TGFBRAP1: variants seen among roughly 807,000 people sequenced by gnomAD.
TGFBRAP1 encodes the protein transforming growth factor-beta receptor-associated protein 1.
In TGFBRAP1, 20 loss-of-function variants were observed where a neutral mutation model predicts 83.2. The ratio of observed to expected loss-of-function variants is 0.24; its 90% CI spans 0.17 to 0.35. The LOEUF (loss-of-function observed/expected upper bound fraction) is 0.35, where lower values mean the gene tolerates loss of function less well. Among genes scored for constraint, TGFBRAP1 ranks in the 10% least tolerant of loss-of-function variants. The pLI, the probability that TGFBRAP1 is intolerant of heterozygous loss-of-function variation, is 1.00. For missense variants in TGFBRAP1, 950 were observed against 1,099.4 expected (o/e 0.86, Z 1.92); for synonymous variants, 415 against 459.8 (o/e 0.90, Z 1.25).
chr2:105,265,721 A>G lies in TGFBRAP1; in HGVS notation c.*1662T>C, dbSNP rs1419729941. 3.9e-5 allele frequency: 6 copies of G among 152,622 alleles called. No individual in the cohort carries two copies. The highest frequency in any genetic ancestry group is 8.8e-5 in the Non-Finnish European group (6 of 68,054). The allele number at this position is 152,622 out of a possible 1,614,324, so 9.5% of individuals were successfully genotyped here. ...TTACACAGCATACAGTTGTGCTACA[A>G]GGAGAATTTCTTCATCATTTATTCT... On this transcript the variant is annotated 3_prime_UTR_variant, in exon 12 of 12. Transcript: ENST00000393359.
intron 10 of TGFBRAP1, among the ~76,000 whole-genome samples, chr2:105,271,634 G>A (rs150826097): frequency 6.6e-6 from 1 of 152,272 alleles, no homozygotes; most frequent in Non-Finnish European, 1.5e-5. Flanking sequence ...TAAAAATGGA[G>A]GAAAAACAGG....
intron 4 of TGFBRAP1, among the ~76,000 whole-genome samples, chr2:105,295,583 C>T (rs530312214): frequency 8.8e-4 from 134 of 152,106 alleles, no homozygotes; most frequent in Non-Finnish European, 1.7e-3. Context: ...GAGGCGGAGG[C>T]GGGTGGATCA....
At chr2:105,251,379 G>A in the TGFBRAP1 span, among the ~76,000 whole-genome samples, 16,630 of 147,536 alleles carry the variant, frequency 0.11, 1,066 homozygotes, top group Middle Eastern at 0.16. Context: ...CTGCCCCGCC[G>A]CCCATTGTCT....
intron 4 of TGFBRAP1, among the ~76,000 whole-genome samples, chr2:105,294,809 T>A (rs1377266718): frequency 2.0e-5 from 3 of 152,074 alleles, no homozygotes; most frequent in Non-Finnish European, 4.4e-5. Context: ...TACACAGCAT[T>A]GAAAGCCTCT....
the TGFBRAP1 span, among the ~76,000 whole-genome samples, chr2:105,256,608 A>G: frequency 6.6e-6 from 1 of 152,232 alleles, no homozygotes; most frequent in Non-Finnish European, 1.5e-5. Flanking sequence ...CAAAAACTCA[A>G]TTTTAAGCCT....
intron 4 of TGFBRAP1, among the ~76,000 whole-genome samples, chr2:105,288,756 A>G (rs763662611): frequency 3.3e-5 from 5 of 152,234 alleles, no homozygotes; most frequent in Non-Finnish European, 7.3e-5. Flanking sequence ...TAGGTGGAAC[A>G]TGAGGACCAT....
intron 4 of TGFBRAP1, among the ~76,000 whole-genome samples, chr2:105,289,192 T>C (rs1370053756): frequency 1.4e-5 from 2 of 147,398 alleles, no homozygotes; most frequent in African/African-American, 4.9e-5. Flanking sequence ...ATAAGCAAAA[T>C]TTACAAAAAA....
chr2:105,267,448 G>A lies in TGFBRAP1; in HGVS notation c.2518C>T (p.His840Tyr), dbSNP rs755877864. Residue 840 changes from histidine to tyrosine, a missense_variant, in exon 12 of 12, where the codon CAC (histidine) becomes TAC (tyrosine). His to Tyr is a moderately conservative substitution (Grantham distance 83, BLOSUM62 2). Transcript: ENST00000393359. Reference sequence around the variant, plus strand: ...TGTCTGCTGGCGGCACAGTGGGTGTGCACAAGACCACCATTTGGGTATCTA... The same window carrying A: ...TGTCTGCTGGCGGCACAGTGGGTGTACACAAGACCACCATTTGGGTATCTA... ...FVRYPNGGLV[H>Y]THCAASRHTN... The A allele has an allele frequency of 6.2e-7, 1 of 1,614,092 alleles. No individual in the cohort carries two copies. The highest frequency in any genetic ancestry group is 8.5e-7 in the Non-Finnish European group (1 of 1,180,052).
At chr2:105,262,634 C>T (rs1179176891), downstream of TGFBRAP1, among the ~76,000 whole-genome samples, 1 of 152,178 alleles carries the variant, frequency 6.6e-6, no homozygotes, top group African/African-American at 2.4e-5. Context: ...TGTGTCAGAG[C>T]CCCAAGAAGC....
chr2:105,326,492 T>C (rs1343787761), intron 1 of TGFBRAP1, among the ~76,000 whole-genome samples: 1 of 152,190 alleles, frequency 6.6e-6, no homozygotes, highest in African/African-American at 2.4e-5. Flanking sequence ...CCGAGGCAGA[T>C]GGATTGCTTG....
chr2:105,286,151 A>G lies in TGFBRAP1; in HGVS notation c.1039-1753T>C, dbSNP rs577845849. Among the ~76,000 whole-genome samples, 6 of 152,352 alleles carry G rather than the reference A, an allele frequency of 3.9e-5. No individual in the cohort carries two copies. The South Asian group carries it at 1.0e-3, about 26-fold the overall frequency. On this transcript the variant is annotated intron_variant, in intron 4 of 11. Coordinates refer to ENST00000393359, the MANE Select transcript of TGFBRAP1 (RefSeq NM_004257.6). ...GGAAATGGAAATTACTCCTGTGGAC[A>G]TTCCAAATCTCCAAGAATAAGGGGT...
At chr2:105,255,780 C>A in the TGFBRAP1 span, among the ~76,000 whole-genome samples, 1 of 152,140 alleles carries the variant, frequency 6.6e-6, no homozygotes, top group Non-Finnish European at 1.5e-5. Context: ...CCACTGAAAT[C>A]AAACCAGCCA....
intron 1 of TGFBRAP1, among the ~76,000 whole-genome samples, chr2:105,325,300 G>A (rs1452015574): frequency 6.6e-6 from 1 of 152,020 alleles, no homozygotes; most frequent in Non-Finnish European, 1.5e-5. Context: ...CCCAAAACTG[G>A]GTTTGGTGGG....
rs1193212070 is a variant in TGFBRAP1 at position 105,269,580 on chromosome 2, A to G, written c.2098T>C (p.Cys700Arg). ...LQDFAAAEDY[C>R]LWCSEGRDPP... ...TCTCGGCCCTCGGAGCACCACAGGCAGTAGTCCTCGGCCGCTGCAAAGTCC... is the reference window on the plus strand; with the variant it reads ...TCTCGGCCCTCGGAGCACCACAGGCGGTAGTCCTCGGCCGCTGCAAAGTCC... The change falls in exon 11 of 12, where the codon TGC (cysteine) becomes CGC (arginine). Residue 700 changes from cysteine (C) to arginine (R), a missense_variant. Cys to Arg is a radical substitution (Grantham distance 180). Transcript: ENST00000393359. The surrounding 1 kb of genome is among the most constrained non-coding windows in gnomAD (Gnocchi z 4.1). 6.2e-7 allele frequency: 1 copy of G among 1,611,274 alleles called. No individual in the cohort carries two copies.
chr2:105,309,186 A>G (rs1325689772), intron 1 of TGFBRAP1, among the ~76,000 whole-genome samples: 1 of 152,204 alleles, frequency 6.6e-6, no homozygotes, highest in Non-Finnish European at 1.5e-5. Flanking sequence ...AAGATCAGGC[A>G]AGGTGGCCTT....
At chr2:105,263,493 T>G (rs771519602), downstream of TGFBRAP1, among the ~76,000 whole-genome samples, 5 of 152,134 alleles carry the variant, frequency 3.3e-5, no homozygotes, top group Non-Finnish European at 7.3e-5. Context: ...CTCAGCTTCT[T>G]CAAATTCAAG....
rs376663316 is a variant in TGFBRAP1 at position 105,305,571 on chromosome 2, A to T, written c.688+2043T>A. Among the ~76,000 whole-genome samples the T allele has an allele frequency of 7.2e-5, 11 of 152,362 alleles. No homozygotes were observed. The East Asian group carries it at 1.7e-3, about 24-fold the overall frequency. ...TACAAAAAACTTTTTGGTGGGATGA[A>T]ATGACAGGACATAACAGAGAGAAAA... On this transcript the variant is annotated intron_variant, in intron 2 of 11. Transcript: ENST00000393359.
intron 1 of TGFBRAP1, among the ~76,000 whole-genome samples, chr2:105,314,059 T>C (rs571228817): frequency 1.3e-5 from 2 of 152,000 alleles, no homozygotes; most frequent in East Asian, 3.9e-4. Flanking sequence ...TGTGTCCTTA[T>C]AAAAAGGGGA....
chr2:105,261,727 G>T (rs2679840), downstream of TGFBRAP1, among the ~76,000 whole-genome samples: 23,460 of 152,114 alleles, frequency 0.15, 2,268 homozygotes, highest in South Asian at 0.24. Flanking sequence ...ACTCCAGCCT[G>T]GGCGACAGAG....
Sources: gnomAD v4.1 joint callset for allele counts (sites outside exome capture counted in the v4.1 genomes callset) on GRCh38, gnomAD v4.1.1 for gene constraint, Gnocchi (gnomAD v3.1) non-coding constraint, MANE v1.5 for transcripts, NCBI Gene and HGNC (gene_info 2026-07-23, HGNC 2026-07-21) for gene names.